The following SHROOM3 variants were observed in gnomAD, a reference collection of about 807,000 sequenced individuals.
SHROOM3 encodes the protein protein Shroom3.
Under a neutral mutation model 138.6 loss-of-function variants are expected in SHROOM3, and 47 were observed. That is an observed-to-expected ratio of 0.34 (90% CI 0.27 to 0.43). The LOEUF is 0.43. SHROOM3 is among the 20% of genes least tolerant of loss of function. The pLI, the probability that SHROOM3 is intolerant of heterozygous loss-of-function variation, is 1.00. For missense variants in SHROOM3, 2,491 were observed against 2,596.5 expected (o/e 0.96, Z 0.88); for synonymous variants, 1,062 against 1,063.3 (o/e 1.00, Z 0.02).
chr4:76,688,701 A>T, intron 2 of SHROOM3: 1 of 985,460 alleles, frequency 1.0e-6, no homozygotes, highest in Non-Finnish European at 1.2e-6. Flanking sequence ...CTATATCATA[A>T]ATGCAAAACA....
chr4:76,770,365 T>C (rs1722319574), intron 9 of SHROOM3, among the ~76,000 whole-genome samples: 2 of 144,242 alleles, frequency 1.4e-5, no homozygotes, highest in African/African-American at 2.6e-5. Flanking sequence ...AAGACAAAGC[T>C]GTACATAGCA....
rs200677180 is a variant in SHROOM3, at chr4:76,565,183, G to T, written c.323+9420G>T. On this transcript the variant is annotated intron_variant, in intron 2 of 10. Transcript: ENST00000296043. ...TTCAAAAAAAAAAAAAAAAAAAAAA[G>T]AATGGCACTCAAATATCTGTCTGAG... Among the ~76,000 whole-genome samples the T allele has an allele frequency of 1.2e-3, 161 of 134,342 alleles. 1 individual carries two copies. The highest frequency in any genetic ancestry group is 4.4e-3 in the African/African-American group (149 of 33,770). 88.1% of individuals were successfully genotyped at this position (134,342 alleles called of 152,430 possible).
chr4:76,766,994 T>C lies in SHROOM3; in HGVS notation c.5350-3632T>C, dbSNP rs560212666. On this transcript the variant is annotated intron_variant, in intron 9 of 10. Coordinates refer to ENST00000296043, the MANE Select transcript of SHROOM3 (RefSeq NM_020859.4). Reference sequence around the variant, plus strand: ...TACATTTTCATCTCATTCCGTTCTTTCTTGCACCGTGAAGCCTGGGGTACA... The same window carrying C: ...TACATTTTCATCTCATTCCGTTCTTCCTTGCACCGTGAAGCCTGGGGTACA... Among the ~76,000 whole-genome samples the C allele has an allele frequency of 2.6e-5, 4 of 152,348 alleles. No individual in the cohort carries two copies. In the East Asian group the frequency reaches 7.7e-4, roughly 29 times the overall value.
In SHROOM3 at chr4:76,740,117, C is replaced by A; in HGVS notation, c.1944C>A (p.Gly648=). Residue 648 remains glycine (G), a synonymous_variant, in exon 5 of 11, where the codon GGC becomes GGA. Transcript: ENST00000296043. This position sits in a 1 kb window ranked among gnomAD's most constrained non-coding sequence, Gnocchi z 4.0. ...GGAGGCTGGAGAGAGAAGGCCTAGG[C>A]CAGAGCCTGTCAGGCAACTTTGGCA... ...LWRRLEREGL[G]QSLSGNFGKT... 1 of 1,613,806 alleles carries A rather than the reference C, an allele frequency of 6.2e-7. No individual in the cohort carries two copies. Among genetic ancestry groups the A allele is most frequent in the Non-Finnish European group, 8.5e-7 (1 of 1,180,046 alleles).
At chr4:76,487,454 C>CAT (rs1162901996) in intron 1 of SHROOM3, among the ~76,000 whole-genome samples, 1 of 152,108 alleles carries the variant, frequency 6.6e-6, no homozygotes, top group East Asian at 1.9e-4. Context: ...TTCTCTTAGG[C>CAT]ATATATCTAG....
chr4:76,491,366 G>T (rs537682860), intron 1 of SHROOM3, among the ~76,000 whole-genome samples: 1 of 152,300 alleles, frequency 6.6e-6, no homozygotes, highest in East Asian at 1.9e-4. Flanking sequence ...AAAGCATACT[G>T]GTTAGTGGGA....
chr4:76,595,331 G>A (rs1196829809), intron 2 of SHROOM3, among the ~76,000 whole-genome samples: 1 of 152,190 alleles, frequency 6.6e-6, no homozygotes, highest in Non-Finnish European at 1.5e-5. Flanking sequence ...CTGCAGACTG[G>A]CTTTCTGACA....
At chr4:76,528,552 T>C (rs986509218) in intron 1 of SHROOM3, among the ~76,000 whole-genome samples, 6 of 143,168 alleles carry the variant, frequency 4.2e-5, no homozygotes, top group Non-Finnish European at 9.1e-5. Flanking sequence ...TTCTTTCTTT[T>C]TTTTTTTTTT....
intron 2 of SHROOM3, among the ~76,000 whole-genome samples, chr4:76,675,138 AC>A (rs1718996093): frequency 6.6e-6 from 1 of 152,208 alleles, no homozygotes; most frequent in Admixed American, 6.5e-5. Flanking sequence ...TTCCCTTCAG[AC>A]ATGAATATGA....
At chr4:76,544,184 G>A (rs1189873296) in intron 1 of SHROOM3, among the ~76,000 whole-genome samples, 1 of 152,188 alleles carries the variant, frequency 6.6e-6, no homozygotes, top group Non-Finnish European at 1.5e-5. Context: ...ACCAGAAAAA[G>A]TCTGTCTAAG....
rs954981829 is a variant in SHROOM3 at position 76,567,459 on chromosome 4, G to C, written c.323+11696G>C. On this transcript the variant is annotated intron_variant, in intron 2 of 10. Coordinates refer to ENST00000296043, the MANE Select transcript of SHROOM3 (RefSeq NM_020859.4). ...AGGTCAGGAGATCAAGACCATCCTG[G>C]CTAACACGATAAAACCCTGTCTCTA... Among the ~76,000 whole-genome samples, 3 of 152,240 alleles carry C rather than the reference G, an allele frequency of 2.0e-5. No homozygotes were observed. In the South Asian group the frequency reaches 6.2e-4, roughly 32 times the overall value.
At chr4:76,673,865 A>G (rs939311397) in intron 2 of SHROOM3, among the ~76,000 whole-genome samples, 1 of 152,104 alleles carries the variant, frequency 6.6e-6, no homozygotes, top group Non-Finnish European at 1.5e-5. Context: ...TTGTGTTTTA[A>G]AAATATTTAT....
At chr4:76,539,151 C>G (rs1733043507) in intron 1 of SHROOM3, among the ~76,000 whole-genome samples, 1 of 152,098 alleles carries the variant, frequency 6.6e-6, no homozygotes, top group Non-Finnish European at 1.5e-5. Context: ...AAAATATTTA[C>G]CTCATAAATA....
chr4:76,675,208 G>A (rs1051104152), intron 2 of SHROOM3, among the ~76,000 whole-genome samples: 1 of 152,136 alleles, frequency 6.6e-6, no homozygotes, highest in Non-Finnish European at 1.5e-5. Flanking sequence ...GAAGCTCAAA[G>A]TCCAGATGCG....
intron 1 of SHROOM3, among the ~76,000 whole-genome samples, chr4:76,547,835 C>A (rs984977218): frequency 6.6e-6 from 1 of 151,780 alleles, no homozygotes; most frequent in African/African-American, 2.4e-5. Flanking sequence ...GACACTGAGG[C>A]AGGAGAATCA....
chr4:76,656,162 A>G lies in SHROOM3; in HGVS notation c.324-53994A>G, dbSNP rs76926316. Reference sequence around the variant, plus strand: ...CTGCTCCTGCTTCATTTCCAACTATAAGGAAACTCATGGAAGTATTTTTAG... The same window carrying G: ...CTGCTCCTGCTTCATTTCCAACTATGAGGAAACTCATGGAAGTATTTTTAG... On this transcript the variant is annotated intron_variant, in intron 2 of 10. Coordinates refer to ENST00000296043, the MANE Select transcript of SHROOM3 (RefSeq NM_020859.4). Among the ~76,000 whole-genome samples, 37 of 152,184 alleles carry G rather than the reference A, an allele frequency of 2.4e-4. No individual in the cohort carries two copies. The East Asian group carries it at 7.1e-3, about 29-fold the overall frequency.
intron 2 of SHROOM3, among the ~76,000 whole-genome samples, chr4:76,581,580 A>C (rs1734054968): frequency 6.6e-6 from 1 of 152,184 alleles, no homozygotes; most frequent in African/African-American, 2.4e-5. Flanking sequence ...GCCTGGGATA[A>C]AAAATGATTG....
chr4:76,647,181 T>C (rs1233213351), intron 2 of SHROOM3, among the ~76,000 whole-genome samples: 2 of 152,186 alleles, frequency 1.3e-5, no homozygotes, highest in Non-Finnish European at 2.9e-5. Context: ...TATCATCGTA[T>C]GTTTTCACTC....
intron 3 of SHROOM3, among the ~76,000 whole-genome samples, chr4:76,721,016 T>C (rs1720530699): frequency 6.6e-6 from 1 of 152,038 alleles, no homozygotes; most frequent in South Asian, 2.1e-4. Flanking sequence ...AAATTGGAAG[T>C]GCATTTACCC....
Sources: allele counts gnomAD v4.1 joint callset (sites outside exome capture counted in the v4.1 genomes callset), GRCh38; gene constraint gnomAD v4.1.1; non-coding constraint Gnocchi (gnomAD v3.1); transcripts MANE v1.5; gene names NCBI Gene and HGNC (gene_info 2026-07-23, HGNC 2026-07-21).